FBXO4: variants seen among roughly 807,000 people sequenced by gnomAD.
FBXO4 encodes the protein F-box only protein 4.
FBXO4 carries 36 observed loss-of-function variants against 43.7 expected under a neutral mutation model. The ratio of observed to expected loss-of-function variants is 0.82; its 90% confidence interval spans 0.63 to 1.09. The LOEUF is 1.09. Among genes scored for constraint, FBXO4 ranks in the 50% least tolerant of loss-of-function variants. The probability of loss-of-function intolerance (pLI) is 0.00; values close to 1 mark genes in which losing one functional copy is unlikely to be tolerated. For synonymous variants in FBXO4, 180 were observed against 165.6 expected, an observed-to-expected ratio of 1.09 and a Z score of -0.67; for missense variants, 435 against 474.1, an observed-to-expected ratio of 0.92 and a Z score of 0.77.
the FBXO4 span, among the ~76,000 whole-genome samples, chr5:41,998,951 T>C: frequency 3.0e-4 from 46 of 152,278 alleles, no homozygotes; most frequent in African/African-American, 1.1e-3. Flanking sequence ...ATAGTTTTCT[T>C]TCATCACTTT....
chr5:42,032,456 T>G, the FBXO4 span, among the ~76,000 whole-genome samples: 1 of 152,150 alleles, frequency 6.6e-6, no homozygotes, highest in South Asian at 2.1e-4. Context: ...GGCATAGTCC[T>G]TCCCACTCTT....
the FBXO4 span, among the ~76,000 whole-genome samples, chr5:41,978,116 C>T: frequency 6.6e-6 from 1 of 152,104 alleles, no homozygotes; most frequent in East Asian, 1.9e-4. Flanking sequence ...GATGGGAAGC[C>T]AGCATGTCAC....
the FBXO4 span, among the ~76,000 whole-genome samples, chr5:41,970,113 T>C: frequency 6.6e-6 from 1 of 152,104 alleles, no homozygotes; most frequent in Admixed American, 6.5e-5. Flanking sequence ...TTTGAGTTGA[T>C]ATATAAAACA....
At position 41,926,998 on chromosome 5, in the gene FBXO4, T is replaced by C; in HGVS notation, c.190-15T>C. On this transcript the variant is annotated splice_polypyrimidine_tract_variant and intron_variant, in intron 1 of 6. Coordinates refer to ENST00000281623, the MANE Select transcript of FBXO4 (RefSeq NM_012176.3). Reference sequence around the variant, plus strand: ...TTCATTCCTTTTTCCTACCTGCTGCTTTCTTCTGTTTCAGATTGATGTACA... The same window carrying C: ...TTCATTCCTTTTTCCTACCTGCTGCCTTCTTCTGTTTCAGATTGATGTACA... The C allele has an allele frequency of 4.0e-6, 6 of 1,515,436 alleles. No homozygotes were observed. The highest frequency in any genetic ancestry group is 4.5e-6 in the Non-Finnish European group (5 of 1,118,446). The allele number at this position is 1,515,436 out of a possible 1,614,324, so 93.9% of individuals were successfully genotyped here.
At chr5:41,978,565 G>T in the FBXO4 span, among the ~76,000 whole-genome samples, 783 of 152,092 alleles carry the variant, frequency 5.1e-3, 8 homozygotes, top group African/African-American at 0.018. Context: ...TATTTCTTAA[G>T]TAGTATTCTG....
chr5:41,990,907 T>A, the FBXO4 span, among the ~76,000 whole-genome samples: 1 of 152,188 alleles, frequency 6.6e-6, no homozygotes, highest in African/African-American at 2.4e-5. Flanking sequence ...CACCACTGAA[T>A]AAAACTCCTT....
the FBXO4 span, among the ~76,000 whole-genome samples, chr5:42,000,661 C>T: frequency 6.6e-6 from 1 of 152,088 alleles, no homozygotes; most frequent in Non-Finnish European, 1.5e-5. Context: ...ATTGCCAAGA[C>T]CAACGACAAA....
chr5:42,011,727 C>T, the FBXO4 span, among the ~76,000 whole-genome samples: 1 of 152,080 alleles, frequency 6.6e-6, no homozygotes, highest in African/African-American at 2.4e-5. Context: ...TAATTTCATA[C>T]CTTGTTGAAG....
the FBXO4 span, among the ~76,000 whole-genome samples, chr5:41,999,534 TAC>T: frequency 9.5e-3 from 959 of 100,942 alleles, 21 homozygotes; most frequent in African/African-American, 0.041. Flanking sequence ...CATATATATA[TAC>T]ATATATATGT....
intron 3 of FBXO4, among the ~76,000 whole-genome samples, chr5:41,933,294 C>G (rs963615950): frequency 6.6e-6 from 1 of 152,164 alleles, no homozygotes; most frequent in African/African-American, 2.4e-5. Flanking sequence ...TGGCTCACTG[C>G]AGCTTTGAAC....
chr5:41,931,935 T>C (rs1751699120), intron 3 of FBXO4, among the ~76,000 whole-genome samples: 1 of 152,208 alleles, frequency 6.6e-6, no homozygotes, highest in African/African-American at 2.4e-5. Context: ...TGTTTAGATA[T>C]GGCATTGGGA....
chr5:41,936,963 C>T (rs954111726), intron 5 of FBXO4, among the ~76,000 whole-genome samples: 2 of 151,368 alleles, frequency 1.3e-5, no homozygotes, highest in African/African-American at 4.9e-5. Context: ...AGAGACAATA[C>T]GTAAATGAAT....
At chr5:42,005,090 T>C in the FBXO4 span, among the ~76,000 whole-genome samples, 3 of 152,154 alleles carry the variant, frequency 2.0e-5, no homozygotes, top group Admixed American at 2.0e-4. Flanking sequence ...CTTTCAGCCA[T>C]TCATGTTCCA....
the FBXO4 span, among the ~76,000 whole-genome samples, chr5:41,996,959 G>A: frequency 2.6e-5 from 4 of 152,206 alleles, no homozygotes; most frequent in Middle Eastern, 3.2e-3. Flanking sequence ...CAATGTAATG[G>A]ACCAGTGTGA....
At chr5:41,968,226 G>C in the FBXO4 span, 3 of 205,264 alleles carry the variant, frequency 1.5e-5, no homozygotes, top group Admixed American at 1.6e-4. Context: ...AGCAGTGAGA[G>C]TTATCGGAAC....
chr5:42,029,612 G>T, the FBXO4 span, among the ~76,000 whole-genome samples: 2 of 151,632 alleles, frequency 1.3e-5, no homozygotes, highest in African/African-American at 4.8e-5. Context: ...AGATTCTGTA[G>T]GTGTGCTTTA....
chr5:41,982,651 T>C, the FBXO4 span, among the ~76,000 whole-genome samples: 1 of 152,186 alleles, frequency 6.6e-6, no homozygotes, highest in Non-Finnish European at 1.5e-5. Flanking sequence ...CCAAATAGTC[T>C]AATTTGCCTA....
chr5:41,957,839 T>G, the FBXO4 span, among the ~76,000 whole-genome samples: 1 of 152,158 alleles, frequency 6.6e-6, no homozygotes, highest in African/African-American at 2.4e-5. Context: ...AACAATACAC[T>G]GAAGCAAATA....
At chr5:41,984,642 A>C in the FBXO4 span, among the ~76,000 whole-genome samples, 1 of 152,142 alleles carries the variant, frequency 6.6e-6, no homozygotes. Flanking sequence ...CTCATTCCTC[A>C]TTTGGCCAGG....
Sources: allele counts gnomAD v4.1 joint callset (sites outside exome capture counted in the v4.1 genomes callset), GRCh38; gene constraint gnomAD v4.1.1; transcripts MANE v1.5; gene names NCBI Gene and HGNC (gene_info 2026-07-23, HGNC 2026-07-21).